SNED1: variants seen among roughly 807,000 people sequenced by gnomAD.
The protein encoded by SNED1 is sushi, nidogen and EGF like domains 1.
SNED1 carries 81 observed loss-of-function variants against 166.7 expected under a neutral mutation model. That is an observed-to-expected ratio of 0.49 (90% CI 0.41 to 0.58). The LOEUF is 0.58. Among genes scored for constraint, SNED1 ranks in the 20% least tolerant of loss-of-function variants. The pLI, the probability that SNED1 is intolerant of heterozygous loss-of-function variation, is 0.00. For synonymous variants in SNED1, 762 were observed against 822.0 expected (o/e 0.93, Z 1.25); for missense variants, 1,604 against 2,000.2 (o/e 0.80, Z 3.78).
rs2061483881 is a variant in SNED1 at position 241,040,108 on chromosome 2, A to G, written c.1079A>G (p.His360Arg). 1.3e-6 allele frequency: 2 copies of G among 1,598,590 alleles called. No homozygotes were observed. Among genetic ancestry groups the G allele is most frequent in the Middle Eastern group, 1.7e-4 (1 of 6,050 alleles). Residue 360 changes from histidine (H) to arginine (R), a missense_variant, in exon 7 of 32, where the codon CAT (histidine) becomes CGT (arginine). By Grantham distance (29) the His-to-Arg change is conservative (BLOSUM62 0). Transcript: ENST00000310397. ...CCCTGTGACACCAAAGAGTGTCAAC[A>G]TGGTGGCCAGTGCCAGGTGGAGAAT... The part of the protein sequence containing the change: ...QSPCDTKECQ[H>R]GGQCQVENGS...
chr2:241,027,425 G>A (rs183374940), intron 1 of SNED1, among the ~76,000 whole-genome samples: 175 of 152,264 alleles, frequency 1.1e-3, no homozygotes, highest in Non-Finnish European at 1.7e-3. Flanking sequence ...CCATTGTATG[G>A]ATGTGCTACA....
At position 241,033,760 on chromosome 2, in the gene SNED1, T is replaced by A; in HGVS notation, c.527T>A (p.Ile176Asn). The A allele has an allele frequency of 6.2e-7, 1 of 1,612,092 alleles. No homozygotes were observed. Among genetic ancestry groups the A allele is most frequent in the Non-Finnish European group, 8.5e-7 (1 of 1,179,614 alleles). ...SPVNTFQTVL[I>N]TDGKLSFTIF... is the part of the protein sequence containing the mutation. ...GTCAACACATTCCAGACTGTGCTCA[T>A]CACAGACGGCAAGCTCTCCTTCACC... The change falls in exon 3 of 32, where the codon ATC (isoleucine) becomes AAC (asparagine). Residue 176 changes from isoleucine to asparagine, a missense_variant. Coordinates refer to ENST00000310397, the MANE Select transcript of SNED1 (RefSeq NM_001080437.3).
At chr2:241,062,471 G>A (rs2062264624) in intron 16 of SNED1, among the ~76,000 whole-genome samples, 1 of 152,304 alleles carries the variant, frequency 6.6e-6, no homozygotes, top group African/African-American at 2.4e-5. Flanking sequence ...GGCAAGATGG[G>A]ACATGAGACA....
intron 28 of SNED1, 26 bp downstream of exon 28, chr2:241,081,819 G>T (rs775766234): frequency 6.6e-7 from 1 of 1,514,082 alleles, no homozygotes; most frequent in Non-Finnish European, 9.0e-7. Flanking sequence ...GCCTCAGGGC[G>T]CCCCTTCCAA....
intron 31 of SNED1, chr2:241,089,399 C>A (rs2063762199): frequency 6.4e-7 from 1 of 1,550,430 alleles, no homozygotes; most frequent in Non-Finnish European, 8.7e-7. Context: ...CATTCAGGAA[C>A]CTTTAAAAAC....
At position 241,089,227 on chromosome 2, in the gene SNED1, T is replaced by C. The variant is rs1490323630; in HGVS notation, c.*1+825T>C. On this transcript the variant is annotated intron_variant, in intron 31 of 31. Coordinates refer to ENST00000310397, the MANE Select transcript of SNED1 (RefSeq NM_001080437.3). Reference sequence around the variant, plus strand: ...AACATGTCACTGCATGAAAGATGAATCTCTGGTTGGCCTAGGACAGCTTTG... The same window carrying C: ...AACATGTCACTGCATGAAAGATGAACCTCTGGTTGGCCTAGGACAGCTTTG... 6.4e-6 allele frequency: 9 copies of C among 1,407,912 alleles called. No homozygotes were observed. In the East Asian group the frequency reaches 2.0e-4, roughly 31 times the overall value. 87.2% of individuals were successfully genotyped at this position (1,407,912 alleles called of 1,614,324 possible).
intron 10 of SNED1, 36 bp downstream of exon 10, chr2:241,048,802 G>T: frequency 6.6e-7 from 1 of 1,515,872 alleles, no homozygotes; most frequent in Non-Finnish European, 9.1e-7. Context: ...CCCTGTCCCT[G>T]AGCATCCTCA....
At position 241,095,068 on chromosome 2, in the gene SNED1, C is replaced by CA. The variant is rs1221963842; in HGVS notation, c.*3432_*3433insA. On this transcript the variant is annotated 3_prime_UTR_variant, in exon 32 of 32. Transcript: ENST00000310397. The stretch of plus-strand genomic sequence containing the variant: ...GTTCCCTAAGGTGACACGCCCCCCC[C>CA]CCCCCCCACACCCACCTTGGGGGGT... 3.5e-5 allele frequency: 5 copies of CA among 143,708 alleles called. No homozygotes were observed. Among genetic ancestry groups the CA allele is most frequent in the African/African-American group, 1.2e-4 (5 of 40,478 alleles). 8.9% of individuals were successfully genotyped at this position (143,708 alleles called of 1,614,324 possible). A position where few individuals can be genotyped will look rare whatever the true frequency, so the allele number is the denominator to read the frequency against.
In SNED1 at chr2:241,051,877, CA is replaced by C. The variant is rs780447394; in HGVS notation, c.1852+18del. 2.0e-6 allele frequency: 3 copies of C among 1,524,358 alleles called. No individual in the cohort carries two copies. In the South Asian group the frequency reaches 3.8e-5, roughly 19 times the overall value. The allele number at this position is 1,524,358 out of a possible 1,614,324, so 94.4% of individuals were successfully genotyped here. ...GTGAGATCGGTGCGGCCCCCAGGGG[CA>C]GGGGGGAGGGCAGGAACGACGGGCC... On this transcript the variant is annotated intron_variant, in intron 13 of 31. Coordinates refer to ENST00000310397, the MANE Select transcript of SNED1 (RefSeq NM_001080437.3). The surrounding 1 kb of genome is among the most constrained non-coding windows in gnomAD (Gnocchi z 4.7).
intron 27 of SNED1, 32 bp from the exon 28 acceptor site, chr2:241,081,645 A>G: frequency 6.6e-7 from 1 of 1,506,788 alleles, no homozygotes; most frequent in Non-Finnish European, 9.1e-7. Context: ...CTGGGGTTCC[A>G]GTGACTAACC....
rs758288005 is a variant in SNED1, at chr2:241,071,739, G to A, written c.3734+19G>A. The A allele has an allele frequency of 1.4e-5, 19 of 1,344,862 alleles. No individual in the cohort carries two copies. The highest frequency in any genetic ancestry group is 1.0e-4 in the African/African-American group (6 of 57,532). 83.3% of individuals were successfully genotyped at this position (1,344,862 alleles called of 1,614,324 possible). On this transcript the variant is annotated intron_variant, in intron 25 of 31. Coordinates refer to ENST00000310397, the MANE Select transcript of SNED1 (RefSeq NM_001080437.3). ...CCCCCAGGTACATGCCCCACCCATC[G>A]GCCCCATCGCCCGAGGCGGCGCTCG...
chr2:241,012,061 C>G (rs1332761998), intron 1 of SNED1, among the ~76,000 whole-genome samples: 2 of 152,240 alleles, frequency 1.3e-5, no homozygotes, highest in African/African-American at 4.8e-5. Flanking sequence ...GCTCCCACTT[C>G]AAAGGCCGAC....
intron 1 of SNED1, among the ~76,000 whole-genome samples, chr2:241,001,014 G>A (rs897567395): frequency 1.3e-5 from 2 of 152,216 alleles, no homozygotes; most frequent in African/African-American, 4.8e-5. Flanking sequence ...TGAAGGAAGT[G>A]GACCTGCCTG....
chr2:241,089,233 G>A lies in SNED1; in HGVS notation c.*1+831G>A, dbSNP rs956304014. ...TCACTGCATGAAAGATGAATCTCTG[G>A]TTGGCCTAGGACAGCTTTGCTCTTC... On this transcript the variant is annotated intron_variant, in intron 31 of 31. Transcript: ENST00000310397. 2.1e-6 allele frequency: 3 copies of A among 1,434,700 alleles called. No homozygotes were observed. In the African/African-American group the frequency reaches 4.3e-5, roughly 21 times the overall value. 88.9% of individuals were successfully genotyped at this position (1,434,700 alleles called of 1,614,324 possible). A position where few individuals can be genotyped will look rare whatever the true frequency, so the allele number is the denominator to read the frequency against.
At chr2:241,062,989 C>G in intron 17 of SNED1, 85 bp downstream of exon 17, 1 of 857,992 alleles carries the variant, frequency 1.2e-6, no homozygotes, top group Non-Finnish European at 1.8e-6. Flanking sequence ...GGACAGGTCT[C>G]TGTCTGGATG....
chr2:241,056,580 A>ATTTTTTTTT (rs1172411061), intron 16 of SNED1, among the ~76,000 whole-genome samples: 4,836 of 110,844 alleles, frequency 0.044, 619 homozygotes, highest in East Asian at 0.16. Context: ...AATAAGTGAA[A>ATTTTTTTTT]TTTTTTTTTT....
At position 241,051,674 on chromosome 2, in the gene SNED1, G is replaced by A. The variant is rs2061845724; in HGVS notation, c.1736-70G>A. The A allele has an allele frequency of 8.1e-7, 1 of 1,237,212 alleles. No homozygotes were observed. Among genetic ancestry groups the A allele is most frequent in the Non-Finnish European group, 1.1e-6 (1 of 915,166 alleles). The allele number at this position is 1,237,212 out of a possible 1,614,324, so 76.6% of individuals were successfully genotyped here. ...GCACCAGAGGACTGAGGAGATGCCA[G>A]GAGGGTATAGTGGCTCTGTGGGGCC... On this transcript the variant is annotated intron_variant, in intron 12 of 31. Coordinates refer to ENST00000310397, the MANE Select transcript of SNED1 (RefSeq NM_001080437.3). This position sits in a 1 kb window ranked among gnomAD's most constrained non-coding sequence, Gnocchi z 4.7.
intron 31 of SNED1, chr2:241,088,694 C>G: frequency 2.3e-6 from 1 of 433,020 alleles, no homozygotes; most frequent in Non-Finnish European, 4.1e-6. Context: ...GGCCAAGAAA[C>G]CCCTAGATCA....
chr2:241,075,689 G>C lies in SNED1; in HGVS notation c.3916+2325G>C, dbSNP rs1199478533. On this transcript the variant is annotated intron_variant, in intron 27 of 31. Coordinates refer to ENST00000310397, the MANE Select transcript of SNED1 (RefSeq NM_001080437.3). This position sits in a 1 kb window ranked among gnomAD's most constrained non-coding sequence, Gnocchi z 4.8. ...CTGTTCTTGGTGGTACTTCCTAATAGAGAAAAGTTCATAATCAAATTTATC... is the reference window on the plus strand; with the variant it reads ...CTGTTCTTGGTGGTACTTCCTAATACAGAAAAGTTCATAATCAAATTTATC... The C allele has an allele frequency of 6.6e-6, 1 of 152,034 alleles. No homozygotes were observed. The highest frequency in any genetic ancestry group is 2.4e-5 in the African/African-American group (1 of 41,376). 9.4% of individuals were successfully genotyped at this position (152,034 alleles called of 1,614,324 possible). A position where few individuals can be genotyped will look rare whatever the true frequency, so the allele number is the denominator to read the frequency against.
Sources: gnomAD v4.1 joint callset for allele counts (sites outside exome capture counted in the v4.1 genomes callset) on GRCh38, gnomAD v4.1.1 for gene constraint, Gnocchi (gnomAD v3.1) non-coding constraint, MANE v1.5 for transcripts, NCBI Gene and HGNC (gene_info 2026-07-23, HGNC 2026-07-21) for gene names.